The following PCDHGB5 variants were observed in gnomAD, a reference collection of about 807,000 sequenced individuals.
PCDHGB5 encodes protocadherin gamma-B5.
PCDHGB5 carries 48 observed loss-of-function variants against 62.9 expected under a neutral mutation model. The observed-to-expected ratio is 0.76, with a 90% CI of 0.61 to 0.97. PCDHGB5 has a LOEUF of 0.97. Among genes scored for constraint, PCDHGB5 ranks in the 50% least tolerant of loss-of-function variants. The pLI is 0.00. For missense variants in PCDHGB5, 1,118 were observed against 1,198.6 expected (o/e 0.93, Z 0.99); for synonymous variants, 474 against 511.2 (o/e 0.93, Z 0.98).
At position 141,431,851 on chromosome 5, in the gene PCDHGB5, A is replaced by G. The variant is rs2097423722; in HGVS notation, c.2397+31327A>G. 1 of 1,614,264 alleles carries G rather than the reference A, an allele frequency of 6.2e-7. No individual in the cohort carries two copies. The highest frequency in any genetic ancestry group is 1.1e-5 in the South Asian group (1 of 91,088). ...TTCCCGAAAACTCTCCCAGAGGGAC[A>G]TTAATTGCCCTTTTAAATGTAAATG... On this transcript the variant is annotated intron_variant, in intron 1 of 3. Coordinates refer to ENST00000617380, the MANE Select transcript of PCDHGB5 (RefSeq NM_018925.3). This position sits in a 1 kb window ranked among gnomAD's most constrained non-coding sequence, Gnocchi z 4.8.
Position 141,487,622 on chromosome 5 carries a change from C to A in PCDHGB5, c.2398-7185C>A. 1 of 1,614,174 alleles carries A rather than the reference C, an allele frequency of 6.2e-7. No homozygotes were observed. Among genetic ancestry groups the A allele is most frequent in the Non-Finnish European group, 8.5e-7 (1 of 1,180,030 alleles). ...TCTTCTCTATGGGCTAGAGGTGAGACCTTTGCAGGCTCAACAAATGCTTGA... is the reference window on the plus strand; with the variant it reads ...TCTTCTCTATGGGCTAGAGGTGAGAACTTTGCAGGCTCAACAAATGCTTGA... On this transcript the variant is annotated intron_variant, in intron 1 of 3. Transcript: ENST00000617380. The surrounding 1 kb of genome is among the most constrained non-coding windows in gnomAD (Gnocchi z 5.0).
intron 1 of PCDHGB5, chr5:141,441,995 G>T: frequency 8.1e-6 from 2 of 246,740 alleles, no homozygotes; most frequent in Non-Finnish European, 8.0e-6. Flanking sequence ...CCGACGAGGT[G>T]CTGACAGCTC....
chr5:141,506,832 C>T (rs1398190563), intron 3 of PCDHGB5, among the ~76,000 whole-genome samples: 1 of 152,130 alleles, frequency 6.6e-6, no homozygotes, highest in African/African-American at 2.4e-5. Flanking sequence ...GAACTGATAG[C>T]CCTGCCCTCC....
At chr5:141,449,531 G>A (rs1421489293) in intron 1 of PCDHGB5, among the ~76,000 whole-genome samples, 2 of 149,216 alleles carry the variant, frequency 1.3e-5, no homozygotes, top group Admixed American at 6.7e-5. Flanking sequence ...GGAGGTTGCA[G>A]TGAGCCGAGA....
chr5:141,501,425 G>A (rs1444899306), intron 2 of PCDHGB5, among the ~76,000 whole-genome samples: 1 of 151,726 alleles, frequency 6.6e-6, no homozygotes, highest in Non-Finnish European at 1.5e-5. Flanking sequence ...TTGACTAAAT[G>A]TAGTCCATTT....
intron 1 of PCDHGB5, chr5:141,409,051 C>T (rs767003760): frequency 3.7e-6 from 6 of 1,614,032 alleles, no homozygotes; most frequent in Non-Finnish European, 5.1e-6. Context: ...ACTTCCGAAG[C>T]ACTGCCCAGA....
At position 141,486,994 on chromosome 5, in the gene PCDHGB5, C is replaced by G. The variant is rs779792543; in HGVS notation, c.2398-7813C>G. ...ATTCAGGTTACAATGCTTGGGTTTC[C>G]TATCAGCTCCTGGAGGCCCCAGATC... On this transcript the variant is annotated intron_variant, in intron 1 of 3. Coordinates refer to ENST00000617380, the MANE Select transcript of PCDHGB5 (RefSeq NM_018925.3). The surrounding 1 kb of genome is among the most constrained non-coding windows in gnomAD (Gnocchi z 5.0). 3 of 1,614,214 alleles carry G rather than the reference C, an allele frequency of 1.9e-6. No individual in the cohort carries two copies. Among genetic ancestry groups the G allele is most frequent in the Admixed American group, 1.7e-5 (1 of 60,030 alleles).
intron 1 of PCDHGB5, chr5:141,408,283 C>A: frequency 6.2e-7 from 1 of 1,612,756 alleles, no homozygotes; most frequent in Non-Finnish European, 8.5e-7. Context: ...TGTTCTACCC[C>A]ACCCTGAGTG....
chr5:141,423,809 G>C, intron 1 of PCDHGB5: 1 of 1,260,030 alleles, frequency 7.9e-7, no homozygotes, highest in Non-Finnish European at 1.0e-6. Context: ...ATACATGTGA[G>C]TTTTACTTTG....
chr5:141,413,490 G>T (rs1255775347), intron 1 of PCDHGB5: 2 of 1,614,070 alleles, frequency 1.2e-6, no homozygotes, highest in Admixed American at 3.3e-5. Flanking sequence ...AGAGCGCGCG[G>T]TGCGTGGTGA....
Position 141,491,732 on chromosome 5 carries a change from C to G in PCDHGB5, c.2398-3075C>G. ...GGCTCGGCGCCGCCCCGGGCGACCC[C>G]TGGGGGCGGCACTGGAGAAGCCGCC... On this transcript the variant is annotated intron_variant, in intron 1 of 3. Coordinates refer to ENST00000617380, the MANE Select transcript of PCDHGB5 (RefSeq NM_018925.3). This position sits in a 1 kb window ranked among gnomAD's most constrained non-coding sequence, Gnocchi z 6.9. The G allele has an allele frequency of 1.2e-6, 2 of 1,602,752 alleles. No individual in the cohort carries two copies. Among genetic ancestry groups the G allele is most frequent in the Non-Finnish European group, 1.7e-6 (2 of 1,175,308 alleles).
intron 1 of PCDHGB5, chr5:141,413,967 G>A: frequency 6.2e-7 from 1 of 1,613,428 alleles, no homozygotes; most frequent in Non-Finnish European, 8.5e-7. Context: ...TGGGCACTCA[G>A]CTGCTGACAG....
Position 141,489,565 on chromosome 5 carries a change from G to C in PCDHGB5, c.2398-5242G>C. The C allele has an allele frequency of 6.2e-7, 1 of 1,614,118 alleles. No homozygotes were observed. ...CAGCTGCCTGCTGCCAGTGCAGGTGGTGACTGAACACCCCCTGGAGCTAAT... is the reference window on the plus strand; with the variant it reads ...CAGCTGCCTGCTGCCAGTGCAGGTGCTGACTGAACACCCCCTGGAGCTAAT... On this transcript the variant is annotated intron_variant, in intron 1 of 3. Coordinates refer to ENST00000617380, the MANE Select transcript of PCDHGB5 (RefSeq NM_018925.3). This position sits in a 1 kb window ranked among gnomAD's most constrained non-coding sequence, Gnocchi z 4.5.
rs780007896 is a variant in PCDHGB5 at position 141,399,692 on chromosome 5, G to T, written c.1565G>T (p.Arg522Leu). 1.2e-5 allele frequency: 19 copies of T among 1,613,318 alleles called. No individual in the cohort carries two copies. The South Asian group carries it at 2.1e-4, about 18-fold the overall frequency. ...AQRAFDYEQL[R>L]TFELTLQARD... ...CGCGCCTTTGACTACGAGCAGCTGC[G>T]CACCTTCGAACTCACACTACAGGCC... Residue 522 changes from arginine to leucine, a missense_variant, in exon 1 of 4, where the codon CGC (arginine) becomes CTC (leucine). Arg to Leu is a moderately radical substitution (Grantham distance 102). Coordinates refer to ENST00000617380, the MANE Select transcript of PCDHGB5 (RefSeq NM_018925.3).
At position 141,398,586 on chromosome 5, in the gene PCDHGB5, A is replaced by G; in HGVS notation, c.459A>G (p.Ile153Met). The change falls in exon 1 of 4, where the codon ATA becomes ATG. Residue 153 changes from isoleucine to methionine, a missense_variant. By Grantham distance (10) the Ile-to-Met change is conservative (BLOSUM62 1). Coordinates refer to ENST00000617380, the MANE Select transcript of PCDHGB5 (RefSeq NM_018925.3). ...SESAQPGTRF[I>M]LEVAEDADIG... The stretch of plus-strand genomic sequence containing the variant: ...CTGCACAGCCTGGCACAAGATTTAT[A>G]CTAGAAGTAGCAGAAGATGCAGATA... 2 of 1,614,054 alleles carry G rather than the reference A, an allele frequency of 1.2e-6. No individual in the cohort carries two copies. The highest frequency in any genetic ancestry group is 1.7e-6 in the Non-Finnish European group (2 of 1,179,892).
intron 1 of PCDHGB5, among the ~76,000 whole-genome samples, chr5:141,438,623 T>C (rs1485045684): frequency 2.3e-4 from 10 of 42,840 alleles, no homozygotes; most frequent in Non-Finnish European, 3.8e-4. Flanking sequence ...TATATATATA[T>C]ATATATATAT....
chr5:141,443,656 A>T (rs139300845), intron 1 of PCDHGB5, among the ~76,000 whole-genome samples: 1 of 152,256 alleles, frequency 6.6e-6, no homozygotes, highest in African/African-American at 2.4e-5. Flanking sequence ...TTAGCATAGC[A>T]TTTTACTGAA....
chr5:141,504,937 G>A (rs1350441435), intron 2 of PCDHGB5, among the ~76,000 whole-genome samples: 2 of 152,054 alleles, frequency 1.3e-5, no homozygotes, highest in East Asian at 1.9e-4. Context: ...GGTGGGTGGG[G>A]GAATGCACTA....
intron 2 of PCDHGB5, among the ~76,000 whole-genome samples, chr5:141,502,725 G>A (rs1020846462): frequency 2.0e-5 from 3 of 152,150 alleles, no homozygotes; most frequent in Non-Finnish European, 4.4e-5. Context: ...ATTACAAAGC[G>A]GTGATGTTCT....
Sources: gnomAD v4.1 joint callset for allele counts (sites outside exome capture counted in the v4.1 genomes callset) on GRCh38, gnomAD v4.1.1 for gene constraint, Gnocchi (gnomAD v3.1) non-coding constraint, MANE v1.5 for transcripts, NCBI Gene and HGNC (gene_info 2026-07-23, HGNC 2026-07-21) for gene names.